The following GPC6 variants were observed in gnomAD, a reference collection of about 807,000 sequenced individuals.
GPC6 encodes glypican 6.
Under a neutral mutation model 55.2 loss-of-function variants are expected in GPC6, and 14 were observed. That is an observed-to-expected ratio of 0.25 (90% CI 0.17 to 0.40). The LOEUF is 0.40. GPC6 is among the 10% of genes least tolerant of loss of function. GPC6 has a pLI of 1.00. For missense variants in GPC6, 641 were observed against 708.5 expected (o/e 0.90, Z 1.08); for synonymous variants, 278 against 259.6 (o/e 1.07, Z -0.68).
At chr13:93,285,452 C>T (rs543448479) in intron 1 of GPC6, among the ~76,000 whole-genome samples, 1 of 152,218 alleles carries the variant, frequency 6.6e-6, no homozygotes, top group South Asian at 2.1e-4. Context: ...GATGTCTGTG[C>T]ACACTGTAGT....
rs1453675663 is a variant in GPC6, at chr13:93,408,842, C to A, written c.161-136421C>A. ...TAGTGCAGGGATGGGGCCATATAATCCTGGATGTCACATACAGTATTTGCC... is the reference window on the plus strand; with the variant it reads ...TAGTGCAGGGATGGGGCCATATAATACTGGATGTCACATACAGTATTTGCC... On this transcript the variant is annotated intron_variant, in intron 1 of 8. Coordinates refer to ENST00000377047, the MANE Select transcript of GPC6 (RefSeq NM_005708.5). Among the ~76,000 whole-genome samples, 3 of 151,960 alleles carry A rather than the reference C, an allele frequency of 2.0e-5. No homozygotes were observed. The East Asian group carries it at 5.8e-4, about 29-fold the overall frequency.
At chr13:93,926,718 A>C (rs987566834) in intron 3 of GPC6, among the ~76,000 whole-genome samples, 1 of 152,190 alleles carries the variant, frequency 6.6e-6, no homozygotes, top group East Asian at 1.9e-4. Flanking sequence ...GATCTGACTC[A>C]TTGAAATGAT....
intron 3 of GPC6, among the ~76,000 whole-genome samples, chr13:94,012,548 C>G (rs1226709623): frequency 6.6e-6 from 1 of 152,168 alleles, no homozygotes; most frequent in African/African-American, 2.4e-5. Flanking sequence ...GCAACACAAA[C>G]TTCATATTTA....
At chr13:94,290,097 G>C (rs1264343059) in intron 5 of GPC6, among the ~76,000 whole-genome samples, 5 of 152,114 alleles carry the variant, frequency 3.3e-5, no homozygotes, top group African/African-American at 1.2e-4. Context: ...TTTTATTTAA[G>C]AGATATTTAA....
chr13:93,789,507 CTCTA>C (rs1247288992), intron 2 of GPC6, among the ~76,000 whole-genome samples: 1,914 of 89,930 alleles, frequency 0.021, 44 homozygotes, highest in African/African-American at 0.034. Context: ...CTCTCTCTCT[CTCTA>C]TATATATATA....
At chr13:94,258,879 C>A (rs952896491) in intron 4 of GPC6, among the ~76,000 whole-genome samples, 1 of 152,152 alleles carries the variant, frequency 6.6e-6, no homozygotes, top group East Asian at 1.9e-4. Flanking sequence ...TACCATCATG[C>A]CTGCAAAATG....
chr13:93,570,553 G>C (rs1876352528), intron 2 of GPC6, among the ~76,000 whole-genome samples: 1 of 152,154 alleles, frequency 6.6e-6, no homozygotes, highest in South Asian at 2.1e-4. Flanking sequence ...GAGACAAAGA[G>C]AGCATATACT....
intron 3 of GPC6, among the ~76,000 whole-genome samples, chr13:93,965,991 C>T (rs1223139430): frequency 2.0e-5 from 3 of 152,176 alleles, no homozygotes; most frequent in Non-Finnish European, 2.9e-5. Flanking sequence ...CCAATATCTC[C>T]TGCCATGACC....
At chr13:93,659,500 C>T (rs1880828783) in intron 2 of GPC6, among the ~76,000 whole-genome samples, 1 of 151,908 alleles carries the variant, frequency 6.6e-6, no homozygotes, top group Admixed American at 6.6e-5. Context: ...TATATATGAC[C>T]TGAACTGAAT....
intron 3 of GPC6, among the ~76,000 whole-genome samples, chr13:93,995,935 A>C (rs920465366): frequency 1.3e-5 from 2 of 152,212 alleles, no homozygotes; most frequent in Admixed American, 6.5e-5. Flanking sequence ...TGAGTGAAAA[A>C]GCAAATGAAT....
chr13:94,107,901 T>A (rs1425457800), intron 4 of GPC6, among the ~76,000 whole-genome samples: 5 of 152,102 alleles, frequency 3.3e-5, no homozygotes, highest in Non-Finnish European at 7.4e-5. Context: ...GATGTTGGCA[T>A]GGATGCAGTG....
intron 3 of GPC6, among the ~76,000 whole-genome samples, chr13:93,833,926 T>C (rs77742554): frequency 0.034 from 5,147 of 152,200 alleles, 281 homozygotes; most frequent in African/African-American, 0.11. Flanking sequence ...AGAAGCACTA[T>C]GTGATTCTTA....
At chr13:93,232,109 T>TG (rs1876082367) in intron 1 of GPC6, among the ~76,000 whole-genome samples, 1 of 151,990 alleles carries the variant, frequency 6.6e-6, no homozygotes, top group South Asian at 2.1e-4. Context: ...CTTTTTTTTT[T>TG]TTTTCCAGTT....
intron 1 of GPC6, among the ~76,000 whole-genome samples, chr13:93,288,010 A>G (rs945318286): frequency 1.3e-5 from 2 of 152,176 alleles, no homozygotes; most frequent in African/African-American, 4.8e-5. Context: ...TTTAAGCTTC[A>G]TCGGTTTTGA....
intron 1 of GPC6, among the ~76,000 whole-genome samples, chr13:93,429,122 C>G (rs544803358): frequency 2.0e-5 from 3 of 152,100 alleles, no homozygotes; most frequent in East Asian, 1.9e-4. Flanking sequence ...AGAGGGGAAG[C>G]AAGTTTTTGC....
At chr13:94,068,248 G>A (rs1245843721) in intron 4 of GPC6, among the ~76,000 whole-genome samples, 3 of 152,120 alleles carry the variant, frequency 2.0e-5, no homozygotes, top group Non-Finnish European at 4.4e-5. Flanking sequence ...AGTTTGTGTA[G>A]GGAAACTCCA....
intron 1 of GPC6, among the ~76,000 whole-genome samples, chr13:93,244,656 C>G (rs1028323906): frequency 9.2e-5 from 14 of 152,314 alleles, no homozygotes; most frequent in Non-Finnish European, 1.3e-4. Context: ...GGAGCTCCCC[C>G]ATGGCCTGGA....
At chr13:94,315,255 A>G (rs1032903108) in intron 6 of GPC6, among the ~76,000 whole-genome samples, 5 of 152,234 alleles carry the variant, frequency 3.3e-5, no homozygotes, top group Middle Eastern at 3.2e-3. Flanking sequence ...CCTATGCTGT[A>G]TTGATCCAGA....
intron 1 of GPC6, among the ~76,000 whole-genome samples, chr13:93,314,474 C>T (rs1879174555): frequency 6.6e-6 from 1 of 152,066 alleles, no homozygotes; most frequent in African/African-American, 2.4e-5. Context: ...TCTTATACTC[C>T]CCACATGGTA....
Sources: allele counts gnomAD v4.1 joint callset (sites outside exome capture counted in the v4.1 genomes callset), GRCh38; gene constraint gnomAD v4.1.1; transcripts MANE v1.5; gene names NCBI Gene and HGNC (gene_info 2026-07-23, HGNC 2026-07-21).